The following ERC1 variants were observed in gnomAD, a reference collection of about 807,000 sequenced individuals.
ERC1 encodes ELKS/RAB6-interacting/CAST family member 1.
Under a neutral mutation model 132.0 loss-of-function variants are expected in ERC1, and 56 were observed. That is an observed-to-expected ratio of 0.42 (90% CI 0.34 to 0.53). ERC1 has a LOEUF of 0.53. Among genes scored for constraint, ERC1 ranks in the 20% least tolerant of loss-of-function variants. ERC1 has a pLI of 0.03. For missense variants in ERC1, 1,202 were observed against 1,349.9 expected (o/e 0.89, Z 1.72); for synonymous variants, 478 against 476.1 (o/e 1.00, Z -0.05).
chr12:1,138,158 AATAT>A (rs201160852), intron 7 of ERC1, among the ~76,000 whole-genome samples: 7 of 88,060 alleles, frequency 7.9e-5, no homozygotes, highest in African/African-American at 3.1e-4. Context: ...TTATTTACAT[AATAT>A]ATATAATTGT....
At chr12:1,320,587 A>C (rs997584974) in intron 15 of ERC1, among the ~76,000 whole-genome samples, 3 of 152,240 alleles carry the variant, frequency 2.0e-5, no homozygotes, top group African/African-American at 7.2e-5. Flanking sequence ...CATAAGTATA[A>C]GAATAACCTT....
chr12:1,358,850 A>G (rs1045471077), intron 15 of ERC1, among the ~76,000 whole-genome samples: 3 of 152,252 alleles, frequency 2.0e-5, no homozygotes, highest in Non-Finnish European at 4.4e-5. Context: ...GAAGCTAAGT[A>G]GTAGGTTCGC....
intron 12 of ERC1, among the ~76,000 whole-genome samples, chr12:1,191,156 TAACTC>T (rs1342075452): frequency 6.6e-6 from 1 of 152,204 alleles, no homozygotes; most frequent in African/African-American, 2.4e-5. Flanking sequence ...ATTTTGGTAT[TAACTC>T]TACTCATTTT....
intron 8 of ERC1, among the ~76,000 whole-genome samples, chr12:1,171,050 T>C (rs1242617766): frequency 6.6e-6 from 1 of 152,188 alleles, no homozygotes; most frequent in Non-Finnish European, 1.5e-5. Context: ...AGCAATTTGC[T>C]CAATGCCACG....
In ERC1 at chr12:1,274,539, C is replaced by G. The variant is rs1163217126; in HGVS notation, c.2619+11374C>G. On this transcript the variant is annotated intron_variant, in intron 14 of 18. Transcript: ENST00000360905. ...ACAGAGTCTTGCTCTGTTGCCCAGGCTGGAGTGCAGTGGTGCGGTCTTGGC... is the reference window on the plus strand; with the variant it reads ...ACAGAGTCTTGCTCTGTTGCCCAGGGTGGAGTGCAGTGGTGCGGTCTTGGC... Among the ~76,000 whole-genome samples the G allele has an allele frequency of 4.6e-5, 7 of 151,618 alleles. No individual in the cohort carries two copies. In the East Asian group the frequency reaches 1.4e-3, roughly 29 times the overall value.
chr12:1,358,423 G>A (rs7305331), intron 15 of ERC1, among the ~76,000 whole-genome samples: 18,305 of 151,926 alleles, frequency 0.12, 1,767 homozygotes, highest in African/African-American at 0.27. Context: ...ATACTTATTG[G>A]ATTAGGAAAG....
chr12:1,080,868 C>T (rs1942088177), intron 2 of ERC1, among the ~76,000 whole-genome samples: 1 of 151,530 alleles, frequency 6.6e-6, no homozygotes, highest in African/African-American at 2.4e-5. Context: ...TTTTTGTTTC[C>T]AGTTTTGGGT....
intron 2 of ERC1, among the ~76,000 whole-genome samples, chr12:1,042,837 G>C (rs1970476109): frequency 6.6e-6 from 1 of 151,984 alleles, no homozygotes; most frequent in South Asian, 2.1e-4. Flanking sequence ...TGCATAATAA[G>C]TAATTTCTTC....
At chr12:1,160,708 C>CA (rs539882749) in intron 8 of ERC1, among the ~76,000 whole-genome samples, 185 of 147,218 alleles carry the variant, frequency 1.3e-3, no homozygotes, top group African/African-American at 3.5e-3. Flanking sequence ...AAGACTCTGC[C>CA]AAAAAAAAAA....
intron 9 of ERC1, 52 bp from the exon 10 acceptor site, chr12:1,181,873 C>CATAT (rs1366596437): frequency 1.9e-6 from 3 of 1,550,384 alleles, no homozygotes; most frequent in Non-Finnish European, 2.6e-6. Context: ...GAATTACAGT[C>CATAT]ATATAAGTGC....
chr12:1,148,465 G>T (rs1392702008), intron 8 of ERC1, among the ~76,000 whole-genome samples: 1 of 152,124 alleles, frequency 6.6e-6, no homozygotes, highest in East Asian at 1.9e-4. Context: ...CAGAGGATCA[G>T]TAATTGTGCT....
At chr12:1,244,609 T>C (rs1045228420) in intron 13 of ERC1, 1 of 446,944 alleles carries the variant, frequency 2.2e-6, no homozygotes, top group Non-Finnish European at 4.5e-6. Flanking sequence ...GCAGCCTCCT[T>C]CTACCGGATT....
intron 8 of ERC1, among the ~76,000 whole-genome samples, chr12:1,172,715 A>G (rs761512056): frequency 6.6e-6 from 1 of 152,040 alleles, no homozygotes; most frequent in Non-Finnish European, 1.5e-5. Flanking sequence ...CAAAAAAAAA[A>G]CCCATGGGAT....
intron 2 of ERC1, among the ~76,000 whole-genome samples, chr12:1,047,093 T>A (rs914898099): frequency 3.3e-5 from 5 of 152,176 alleles, no homozygotes; most frequent in African/African-American, 1.2e-4. Context: ...GTCTGTTGAT[T>A]GAAATGTCCT....
At chr12:1,231,134 T>G (rs2075004379) in intron 12 of ERC1, among the ~76,000 whole-genome samples, 1 of 143,138 alleles carries the variant, frequency 7.0e-6, no homozygotes, top group Non-Finnish European at 1.6e-5. Context: ...GCTGCCTTCC[T>G]TTCTGATTTG....
chr12:1,005,387 C>T (rs1963387512), intron 1 of ERC1, among the ~76,000 whole-genome samples: 1 of 152,150 alleles, frequency 6.6e-6, no homozygotes, highest in Non-Finnish European at 1.5e-5. Context: ...AAGTCATCTA[C>T]CCACCTTGGC....
intron 3 of ERC1, among the ~76,000 whole-genome samples, chr12:1,101,372 G>A (rs1944638400): frequency 1.3e-5 from 2 of 152,206 alleles, no homozygotes. Context: ...CGTGGCACAG[G>A]CATGTGAGTG....
intron 17 of ERC1, among the ~76,000 whole-genome samples, chr12:1,415,544 A>G (rs1412703173): frequency 1.3e-5 from 2 of 152,246 alleles, no homozygotes; most frequent in African/African-American, 4.8e-5. Flanking sequence ...TGTACTTATC[A>G]GTTGGAAACA....
chr12:1,094,153 G>A (rs1260062245), intron 3 of ERC1, among the ~76,000 whole-genome samples: 1 of 149,380 alleles, frequency 6.7e-6, no homozygotes, highest in African/African-American at 2.5e-5. Flanking sequence ...TGAGTAGCTG[G>A]GACTACAGGT....
Sources: allele counts gnomAD v4.1 joint callset (sites outside exome capture counted in the v4.1 genomes callset), GRCh38; gene constraint gnomAD v4.1.1; transcripts MANE v1.5; gene names NCBI Gene and HGNC (gene_info 2026-07-23, HGNC 2026-07-21).